Variants in PADI3 observed in about 807,000 individuals in gnomAD.
The protein encoded by PADI3 is peptidyl arginine deiminase 3.
PADI3 carries 53 observed loss-of-function variants against 71.5 expected under a neutral mutation model. The observed-to-expected ratio is 0.74, with a 90% CI of 0.59 to 0.93. PADI3 has a LOEUF of 0.93. Among genes scored for constraint, PADI3 ranks in the 40% least tolerant of loss-of-function variants. The pLI, the probability that PADI3 is intolerant of heterozygous loss-of-function variation, is 0.00. For synonymous variants in PADI3, 361 were observed against 347.5 expected (o/e 1.04, Z -0.43); for missense variants, 821 against 868.0 (o/e 0.95, Z 0.68).
Position 17,283,293 on chromosome 1 carries a change from C to A in PADI3, c.*214C>A. The A allele has an allele frequency of 1.8e-6, 1 of 550,232 alleles. No homozygotes were observed. Among genetic ancestry groups the A allele is most frequent in the Non-Finnish European group, 3.3e-6 (1 of 307,400 alleles). The allele number at this position is 550,232 out of a possible 1,614,324, so 34.1% of individuals were successfully genotyped here. A position where few individuals can be genotyped will look rare whatever the true frequency, so the allele number is the denominator to read the frequency against. Reference sequence around the variant, plus strand: ...CTCAGACTTGAATCTTCTCGGCCCCCCAAAAAGAAGGACCTCATTTCTTAT... The same window carrying A: ...CTCAGACTTGAATCTTCTCGGCCCCACAAAAAGAAGGACCTCATTTCTTAT... On this transcript the variant is annotated 3_prime_UTR_variant, in exon 16 of 16. Coordinates refer to ENST00000375460, the MANE Select transcript of PADI3 (RefSeq NM_016233.2).
chr1:17,262,806 G>A (rs940482375), intron 3 of PADI3, among the ~76,000 whole-genome samples: 1 of 152,130 alleles, frequency 6.6e-6, no homozygotes, highest in Non-Finnish European at 1.5e-5. Flanking sequence ...AGAGAAAAAA[G>A]AATAAAACAA....
At chr1:17,260,777 C>T (rs936870738) in intron 2 of PADI3, among the ~76,000 whole-genome samples, 4 of 152,158 alleles carry the variant, frequency 2.6e-5, no homozygotes, top group African/African-American at 4.8e-5. Context: ...ATCTAGCGAG[C>T]GGCAGAGCTG....
At chr1:17,271,855 AGAG>A (rs1296033503) in intron 9 of PADI3, among the ~76,000 whole-genome samples, 91 of 119,238 alleles carry the variant, frequency 7.6e-4, no homozygotes, top group African/African-American at 1.5e-3. Context: ...AAAAAAAAAA[AGAG>A]AGAGAGAGAG....
At chr1:17,257,922 T>C (rs909267122) in intron 1 of PADI3, among the ~76,000 whole-genome samples, 4 of 152,078 alleles carry the variant, frequency 2.6e-5, no homozygotes, top group Non-Finnish European at 5.9e-5. Context: ...GTGATAAGAG[T>C]GCAGAGGCTG....
chr1:17,259,630 G>A lies in PADI3; in HGVS notation c.145G>A (p.Asp49Asn). The A allele has an allele frequency of 6.2e-7, 1 of 1,613,534 alleles. No individual in the cohort carries two copies. The change falls in exon 2 of 16, where the codon GAC becomes AAC. Residue 49 changes from aspartate to asparagine, a missense_variant. Asp to Asn is a conservative substitution (Grantham distance 23). Transcript: ENST00000375460. ...MFEVYGTPGV[D>N]IYISPNMERG... ...TGAGGTCTATGGGACGCCTGGCGTG[G>A]ACATCTACATCTCTCCCAACATGGA...
chr1:17,255,138 A>G (rs2073012306), intron 1 of PADI3, among the ~76,000 whole-genome samples: 1 of 152,188 alleles, frequency 6.6e-6, no homozygotes, highest in Non-Finnish European at 1.5e-5. Context: ...AAGAATCTGC[A>G]TTTTCAATAA....
chr1:17,270,875 G>T lies in PADI3; in HGVS notation c.832-4G>T. The T allele has an allele frequency of 6.2e-7, 1 of 1,612,434 alleles. No homozygotes were observed. Among genetic ancestry groups the T allele is most frequent in the Non-Finnish European group, 8.5e-7 (1 of 1,178,536 alleles). ...GCTCTTTCTCCCCTGGTCTGCCCCTGCAGGATTTCTCGGCATCCCCTATCT... is the reference window on the plus strand; with the variant it reads ...GCTCTTTCTCCCCTGGTCTGCCCCTTCAGGATTTCTCGGCATCCCCTATCT... On this transcript the variant is annotated splice_polypyrimidine_tract_variant and splice_region_variant and intron_variant, in intron 7 of 15. Coordinates refer to ENST00000375460, the MANE Select transcript of PADI3 (RefSeq NM_016233.2).
intron 1 of PADI3, 22 bp downstream of exon 1, chr1:17,249,251 G>A: frequency 1.9e-6 from 3 of 1,582,954 alleles, no homozygotes; most frequent in Non-Finnish European, 2.6e-6. Flanking sequence ...AGGCCTAGTG[G>A]TTTGCAGGCC....
chr1:17,275,260 TC>T (rs1022454486), intron 11 of PADI3, among the ~76,000 whole-genome samples: 6 of 142,570 alleles, frequency 4.2e-5, no homozygotes, highest in Non-Finnish European at 9.1e-5. Context: ...ATGGTGAAAC[TC>T]CGTCTCTACT....
At chr1:17,275,570 C>T (rs1407712518) in intron 11 of PADI3, among the ~76,000 whole-genome samples, 1 of 151,620 alleles carries the variant, frequency 6.6e-6, no homozygotes, top group African/African-American at 2.4e-5. Flanking sequence ...TTCCTGAGAG[C>T]AAGAGAAGTG....
chr1:17,272,996 G>T (rs975302007), intron 9 of PADI3, among the ~76,000 whole-genome samples: 4 of 152,154 alleles, frequency 2.6e-5, no homozygotes, highest in Non-Finnish European at 5.9e-5. Context: ...ACTGACCTGG[G>T]CACATTTATG....
rs1369551285 is a variant in PADI3, at chr1:17,262,275, A to ATTG, written c.346+71_346+72insTGT. On this transcript the variant is annotated intron_variant, in intron 3 of 15. Coordinates refer to ENST00000375460, the MANE Select transcript of PADI3 (RefSeq NM_016233.2). ...AAAAATTCAAGCAGTACAAAAGAGT[A>ATTG]TACGTTGAAAATTAAACCTCCTTCC... 44 of 1,161,836 alleles carry ATTG rather than the reference A, an allele frequency of 3.8e-5. No homozygotes were observed. In the East Asian group the frequency reaches 1.2e-3, roughly 32 times the overall value. The allele number at this position is 1,161,836 out of a possible 1,614,324, so 72.0% of individuals were successfully genotyped here.
intron 2 of PADI3, among the ~76,000 whole-genome samples, chr1:17,260,606 G>A (rs995444884): frequency 3.3e-5 from 5 of 152,188 alleles, no homozygotes; most frequent in African/African-American, 1.2e-4. Flanking sequence ...GGTCAGGAGA[G>A]CTAGAATTCA....
intron 1 of PADI3, among the ~76,000 whole-genome samples, chr1:17,258,438 G>A (rs1397407321): frequency 6.6e-6 from 1 of 152,268 alleles, no homozygotes. Flanking sequence ...TGGTTTCCAA[G>A]GAGGAACCCC....
At chr1:17,281,322 G>A (rs767245891) in intron 15 of PADI3, among the ~76,000 whole-genome samples, 2 of 152,234 alleles carry the variant, frequency 1.3e-5, no homozygotes, top group Non-Finnish European at 2.9e-5. Flanking sequence ...CAGTTTGGAG[G>A]TGAGACAAAG....
At chr1:17,279,338 G>A (rs1243122637) in intron 13 of PADI3, among the ~76,000 whole-genome samples, 11 of 152,152 alleles carry the variant, frequency 7.2e-5, no homozygotes, top group Admixed American at 6.5e-5. Flanking sequence ...TTGATCTCAC[G>A]AGAGATCAAA....
intron 3 of PADI3, among the ~76,000 whole-genome samples, chr1:17,262,419 A>G (rs542679311): frequency 5.9e-5 from 9 of 152,360 alleles, no homozygotes; most frequent in African/African-American, 2.2e-4. Context: ...AAATTGAAGC[A>G]TACTATAGAC....
intron 1 of PADI3, among the ~76,000 whole-genome samples, chr1:17,252,750 G>A (rs1373000666): frequency 6.6e-6 from 1 of 152,198 alleles, no homozygotes; most frequent in Non-Finnish European, 1.5e-5. Flanking sequence ...GATGACCTCT[G>A]GTGGGGAGGG....
Position 17,249,243 on chromosome 1 carries a change from G to T in PADI3, c.92+14G>T, listed in dbSNP as rs754394058. 2 of 1,605,678 alleles carry T rather than the reference G, an allele frequency of 1.2e-6. No individual in the cohort carries two copies. The highest frequency in any genetic ancestry group is 2.7e-5 in the African/African-American group (2 of 74,736). On this transcript the variant is annotated intron_variant, in intron 1 of 15. Coordinates refer to ENST00000375460, the MANE Select transcript of PADI3 (RefSeq NM_016233.2). ...GGACATTTATGGGTAAGAGTCAGAG[G>T]CCTAGTGGTTTGCAGGCCCTTGGTG...
Sources: gnomAD v4.1 joint callset for allele counts (sites outside exome capture counted in the v4.1 genomes callset) on GRCh38, gnomAD v4.1.1 for gene constraint, MANE v1.5 for transcripts, NCBI Gene and HGNC (gene_info 2026-07-23, HGNC 2026-07-21) for gene names.